The following OSTF1 variants were observed in gnomAD, a reference collection of about 807,000 sequenced individuals.
OSTF1 encodes osteoclast-stimulating factor 1.
OSTF1 carries 27 observed loss-of-function variants against 37.2 expected under a neutral mutation model. That is an observed-to-expected ratio of 0.73 (90% confidence interval 0.54 to 1.00). The LOEUF (loss-of-function observed/expected upper bound fraction) is 1.00, where lower values mean the gene tolerates loss of function less well. OSTF1 is among the 50% of genes least tolerant of loss of function. OSTF1 has a pLI of 0.00. For missense variants in OSTF1, 232 were observed against 253.8 expected (o/e 0.91, Z 0.58); for synonymous variants, 82 against 89.2 (o/e 0.92, Z 0.46).
intron 8 of OSTF1, 68 bp downstream of exon 8, chr9:75,137,684 A>G (rs1825865179): frequency 1.0e-6 from 1 of 954,522 alleles, no homozygotes; most frequent in Non-Finnish European, 1.7e-6. Context: ...AACTTACGCC[A>G]TTTGAAATGG....
chr9:75,116,717 T>C (rs2118512374), intron 1 of OSTF1, among the ~76,000 whole-genome samples: 1 of 151,826 alleles, frequency 6.6e-6, no homozygotes, highest in South Asian at 2.1e-4. Flanking sequence ...ACATTAAGGA[T>C]TTGTTTATGT....
At chr9:75,140,622 T>C (rs552318064) in intron 8 of OSTF1, among the ~76,000 whole-genome samples, 12 of 152,300 alleles carry the variant, frequency 7.9e-5, no homozygotes, top group Admixed American at 2.6e-4. Context: ...GGTTCGGAAT[T>C]AATTGTTATC....
At chr9:75,104,726 C>A (rs1479645940) in intron 1 of OSTF1, among the ~76,000 whole-genome samples, 1 of 152,124 alleles carries the variant, frequency 6.6e-6, no homozygotes, top group African/African-American at 2.4e-5. Flanking sequence ...CATTTATGGG[C>A]ACGTACAACA....
intron 8 of OSTF1, among the ~76,000 whole-genome samples, chr9:75,138,742 T>C (rs1825881670): frequency 1.3e-5 from 2 of 152,214 alleles, no homozygotes; most frequent in South Asian, 4.1e-4. Context: ...AGGAAATAGT[T>C]GTGTTTCTTC....
intron 6 of OSTF1, among the ~76,000 whole-genome samples, 175 bp from the exon 7 acceptor site, chr9:75,134,171 A>C (rs1825808514): frequency 6.6e-6 from 1 of 152,212 alleles, no homozygotes; most frequent in Non-Finnish European, 1.5e-5. Context: ...TATTTTCCTA[A>C]ATAATTCCAC....
chr9:75,117,869 C>T (rs1825517381), intron 2 of OSTF1, among the ~76,000 whole-genome samples: 1 of 152,206 alleles, frequency 6.6e-6, no homozygotes, highest in South Asian at 2.1e-4. Flanking sequence ...ACTAACCTTC[C>T]TTCATTCTCC....
intron 1 of OSTF1, among the ~76,000 whole-genome samples, chr9:75,097,795 T>G: frequency 6.6e-6 from 1 of 151,940 alleles, no homozygotes; most frequent in East Asian, 1.9e-4. Context: ...TTAGCACCAA[T>G]TTTGTAGTTA....
chr9:75,132,522 A>G (rs553729430), intron 5 of OSTF1, among the ~76,000 whole-genome samples: 103 of 152,290 alleles, frequency 6.8e-4, no homozygotes, highest in African/African-American at 2.4e-3. Flanking sequence ...CACACATCCT[A>G]CAGCACACAG....
Position 75,127,551 on chromosome 9 carries a change from C to CTTTT in OSTF1, c.82-11_82-8dup. On this transcript the variant is annotated splice_polypyrimidine_tract_variant and intron_variant, in intron 2 of 9. Coordinates refer to ENST00000346234, the MANE Select transcript of OSTF1 (RefSeq NM_012383.5). Reference sequence around the variant, plus strand: ...TCATGAAAAATCACATGGAGTCAAACTTTTTTTTTTCTTCTAGCCAGATGA... The same window carrying CTTTT: ...TCATGAAAAATCACATGGAGTCAAACTTTTTTTTTTTTTTCTTCTAGCCAGATGA... The CTTTT allele has an allele frequency of 1.4e-6, 2 of 1,399,052 alleles. No homozygotes were observed. The highest frequency in any genetic ancestry group is 9.8e-7 in the Non-Finnish European group (1 of 1,023,074). 86.7% of individuals were successfully genotyped at this position (1,399,052 alleles called of 1,614,324 possible).
At chr9:75,114,078 TA>T (rs1367998366) in intron 1 of OSTF1, among the ~76,000 whole-genome samples, 1 of 152,218 alleles carries the variant, frequency 6.6e-6, no homozygotes, top group Non-Finnish European at 1.5e-5. Flanking sequence ...TCACAAAACA[TA>T]ATGTTCTTCA....
intron 7 of OSTF1, among the ~76,000 whole-genome samples, chr9:75,136,109 G>A (rs541562148): frequency 6.6e-6 from 1 of 152,288 alleles, no homozygotes; most frequent in South Asian, 2.1e-4. Context: ...TCAAGAGGAG[G>A]GGGCCTGTAC....
chr9:75,104,940 A>G (rs1825258225), intron 1 of OSTF1, among the ~76,000 whole-genome samples: 1 of 152,208 alleles, frequency 6.6e-6, no homozygotes, highest in African/African-American at 2.4e-5. Context: ...CCCCAGCTAT[A>G]AAATAGGGTT....
At chr9:75,119,458 C>T (rs77458650) in intron 2 of OSTF1, among the ~76,000 whole-genome samples, 2,023 of 152,258 alleles carry the variant, frequency 0.013, 41 homozygotes, top group African/African-American at 0.046. Context: ...AGTTAGTTTA[C>T]TGAGCCTGCT....
intron 9 of OSTF1, among the ~76,000 whole-genome samples, chr9:75,145,740 T>C (rs1473963258): frequency 6.6e-6 from 1 of 152,234 alleles, no homozygotes; most frequent in African/African-American, 2.4e-5. Context: ...TTGAAATATT[T>C]AATGTGCTTT....
intron 9 of OSTF1, among the ~76,000 whole-genome samples, chr9:75,141,188 C>T (rs1047478330): frequency 6.6e-6 from 1 of 151,892 alleles, no homozygotes; most frequent in Admixed American, 6.6e-5. Context: ...GTAGTCCCAG[C>T]TACTCAGGAG....
At chr9:75,142,509 A>G (rs1311253505) in intron 9 of OSTF1, among the ~76,000 whole-genome samples, 1 of 152,062 alleles carries the variant, frequency 6.6e-6, no homozygotes, top group African/African-American at 2.4e-5. Flanking sequence ...CTCCATTTTG[A>G]TAGACAAGGC....
At chr9:75,120,868 T>C (rs1369022387) in intron 2 of OSTF1, among the ~76,000 whole-genome samples, 2 of 152,192 alleles carry the variant, frequency 1.3e-5, no homozygotes, top group Admixed American at 1.3e-4. Flanking sequence ...CTCAACCCTT[T>C]CTAGACCCAT....
chr9:75,097,266 T>G (rs568807810), intron 1 of OSTF1, among the ~76,000 whole-genome samples: 75 of 152,314 alleles, frequency 4.9e-4, no homozygotes, highest in African/African-American at 1.7e-3. Context: ...GAAGCTGAAA[T>G]GTGAGGTAGG....
In OSTF1 at chr9:75,102,838, C is replaced by A. The variant is rs141942878; in HGVS notation, c.34+14112C>A. ...AGATGTCACCTCCCACAATAGCCTGCGCTGATCATGAAAGCCTCCTCACTG... is the reference window on the plus strand; with the variant it reads ...AGATGTCACCTCCCACAATAGCCTGAGCTGATCATGAAAGCCTCCTCACTG... On this transcript the variant is annotated intron_variant, in intron 1 of 9. Coordinates refer to ENST00000346234, the MANE Select transcript of OSTF1 (RefSeq NM_012383.5). Among the ~76,000 whole-genome samples the A allele has an allele frequency of 5.8e-4, 88 of 152,316 alleles. 1 individual carries two copies. The highest frequency in any genetic ancestry group is 2.1e-3 in the African/African-American group (86 of 41,566).
Sources: gnomAD v4.1 joint callset for allele counts (sites outside exome capture counted in the v4.1 genomes callset) on GRCh38, gnomAD v4.1.1 for gene constraint, MANE v1.5 for transcripts, NCBI Gene and HGNC (gene_info 2026-07-23, HGNC 2026-07-21) for gene names.